Variants in RANBP2 observed in about 807,000 individuals in gnomAD.
The protein encoded by RANBP2 is RAN binding protein 2.
RANBP2 carries 57 observed loss-of-function variants against 303.6 expected under a neutral mutation model. The ratio of observed to expected loss-of-function variants is 0.19; its 90% CI spans 0.15 to 0.23. The LOEUF is 0.23. Among genes scored for constraint, RANBP2 ranks in the 10% least tolerant of loss-of-function variants. RANBP2 has a pLI of 1.00. For synonymous variants in RANBP2, 1,167 were observed against 1,301.5 expected (o/e 0.90, Z 2.23); for missense variants, 3,138 against 3,780.8 (o/e 0.83, Z 4.46).
At chr2:109,684,245 C>CTT in the RANBP2 span, among the ~76,000 whole-genome samples, 1 of 87,154 alleles carries the variant, frequency 1.1e-5, no homozygotes, top group Non-Finnish European at 2.2e-5. Context: ...CCCGGTCTTA[C>CTT]TTTTTTTTTT....
At chr2:108,815,888 G>A in the RANBP2 span, 36 of 1,453,836 alleles carry the variant, frequency 2.5e-5, no homozygotes, top group Non-Finnish European at 3.2e-5. Context: ...GTTTGTCTTT[G>A]AAGTTTTATG....
Position 108,719,544 on chromosome 2 carries a change from G to T in RANBP2, c.-63G>T. ...GTTTGCAGGCGCTTTCCTCTTGGAAGTGGCGACTGCTGCGGGCCTGAGCGC... is the reference window on the plus strand; with the variant it reads ...GTTTGCAGGCGCTTTCCTCTTGGAATTGGCGACTGCTGCGGGCCTGAGCGC... On this transcript the variant is annotated 5_prime_UTR_variant, in exon 1 of 29. Transcript: ENST00000283195. 6.4e-7 allele frequency: 1 copy of T among 1,561,786 alleles called. No homozygotes were observed.
the RANBP2 span, among the ~76,000 whole-genome samples, chr2:108,831,475 T>G: frequency 6.6e-6 from 1 of 152,140 alleles, no homozygotes; most frequent in South Asian, 2.1e-4. Context: ...AGGCTTGGTA[T>G]TTAGAGGGGA....
At chr2:109,639,373 C>G in the RANBP2 span, among the ~76,000 whole-genome samples, 7 of 152,110 alleles carry the variant, frequency 4.6e-5, no homozygotes, top group Non-Finnish European at 1.0e-4. Context: ...GTAATCCCAG[C>G]ATTTTGGGAG....
At chr2:109,413,359 T>C in the RANBP2 span, among the ~76,000 whole-genome samples, 1 of 152,154 alleles carries the variant, frequency 6.6e-6, no homozygotes, top group Non-Finnish European at 1.5e-5. Flanking sequence ...GGTGATCTGC[T>C]TGCCTTGGCC....
chr2:109,194,736 C>T, the RANBP2 span, among the ~76,000 whole-genome samples: 1 of 152,174 alleles, frequency 6.6e-6, no homozygotes, highest in East Asian at 1.9e-4. Flanking sequence ...CCCTGCAGGC[C>T]GGGGATGCTT....
the RANBP2 span, among the ~76,000 whole-genome samples, chr2:109,572,573 C>T: frequency 1.3e-5 from 2 of 151,712 alleles, no homozygotes; most frequent in Admixed American, 6.6e-5. Flanking sequence ...CTGTTTTATA[C>T]CCGGACAGGT....
chr2:109,228,094 CTT>C, the RANBP2 span, among the ~76,000 whole-genome samples: 3 of 152,192 alleles, frequency 2.0e-5, no homozygotes, highest in African/African-American at 7.2e-5. Flanking sequence ...TTTACTCTCT[CTT>C]GACACATACA....
At chr2:109,767,053 A>G in the RANBP2 span, among the ~76,000 whole-genome samples, 1 of 142,774 alleles carries the variant, frequency 7.0e-6, no homozygotes, top group East Asian at 2.2e-4. Context: ...TCCTATTCTC[A>G]GTCTTGGTTT....
downstream of RANBP2, chr2:108,788,789 A>G: frequency 6.3e-7 from 1 of 1,599,814 alleles, no homozygotes; most frequent in South Asian, 1.1e-5. Context: ...ACTTATGGCC[A>G]GTGCCAGATA....
the RANBP2 span, among the ~76,000 whole-genome samples, chr2:109,774,511 TA>T: frequency 2.5e-5 from 2 of 79,620 alleles, 1 homozygote; most frequent in African/African-American, 1.4e-4. Flanking sequence ...TATATATATA[TA>T]TAATATATAT....
At chr2:109,687,204 G>A in the RANBP2 span, among the ~76,000 whole-genome samples, 141 of 152,234 alleles carry the variant, frequency 9.3e-4, 1 homozygote, top group African/African-American at 3.2e-3. Flanking sequence ...CACTTGTAGG[G>A]CTCAATGCAC....
the RANBP2 span, among the ~76,000 whole-genome samples, chr2:109,240,920 T>G: frequency 6.6e-6 from 1 of 151,670 alleles, no homozygotes; most frequent in Non-Finnish European, 1.5e-5. Context: ...CCGCTTCTTT[T>G]CTCATGTTCC....
At chr2:108,768,755 G>A (rs1677291671) in intron 20 of RANBP2, among the ~76,000 whole-genome samples, 1 of 152,066 alleles carries the variant, frequency 6.6e-6, no homozygotes, top group Admixed American at 6.6e-5. Flanking sequence ...TATTGAGGCT[G>A]GGCACGGTGG....
chr2:108,816,668 A>C, the RANBP2 span, among the ~76,000 whole-genome samples: 1 of 152,244 alleles, frequency 6.6e-6, no homozygotes. Flanking sequence ...TCATGAGGGC[A>C]TCCCTCATAA....
the RANBP2 span, among the ~76,000 whole-genome samples, chr2:108,947,431 G>C: frequency 6.6e-6 from 1 of 152,318 alleles, no homozygotes; most frequent in South Asian, 2.1e-4. Flanking sequence ...CCCCAGTGGG[G>C]ACTCTGTGTG....
the RANBP2 span, among the ~76,000 whole-genome samples, chr2:109,313,966 G>A: frequency 1.3e-5 from 2 of 152,214 alleles, no homozygotes; most frequent in Non-Finnish European, 2.9e-5. Context: ...GCACAAGACA[G>A]TTGAAGGCTT....
chr2:108,855,183 C>G, the RANBP2 span, among the ~76,000 whole-genome samples: 1 of 151,994 alleles, frequency 6.6e-6, no homozygotes, highest in Non-Finnish European at 1.5e-5. Context: ...AAAATGAAGA[C>G]AAAATGAGGA....
chr2:109,242,277 G>C, the RANBP2 span, among the ~76,000 whole-genome samples: 9 of 152,194 alleles, frequency 5.9e-5, no homozygotes, highest in African/African-American at 2.2e-4. Context: ...GTTCCCCCTA[G>C]CAGTTTTAAT....
Sources: allele counts gnomAD v4.1 joint callset (sites outside exome capture counted in the v4.1 genomes callset), GRCh38; gene constraint gnomAD v4.1.1; transcripts MANE v1.5; gene names NCBI Gene and HGNC (gene_info 2026-07-23, HGNC 2026-07-21).